Variants in SLITRK3 observed in about 807,000 individuals in gnomAD.
SLITRK3 encodes SLIT and NTRK like family member 3.
A neutral mutation model predicts 63.6 loss-of-function variants in SLITRK3; 16 were observed. That is an observed-to-expected ratio of 0.25 (90% confidence interval 0.17 to 0.38). The LOEUF is 0.38. Among genes scored for constraint, SLITRK3 ranks in the 10% least tolerant of loss-of-function variants. The pLI, the probability that SLITRK3 is intolerant of heterozygous loss-of-function variation, is 1.00. For synonymous variants in SLITRK3, 547 were observed against 451.6 expected, an observed-to-expected ratio of 1.21 and a Z score of -2.68; for missense variants, 1,117 against 1,181.4, an observed-to-expected ratio of 0.95 and a Z score of 0.80.
intron 1 of SLITRK3, among the ~76,000 whole-genome samples, chr3:165,193,447 C>T (rs568139732): frequency 2.8e-3 from 431 of 152,044 alleles, no homozygotes; most frequent in Middle Eastern, 6.8e-3. Context: ...CAGCCATTCC[C>T]TGCAATGACG....
chr3:165,191,698 T>C (rs1016382484), intron 1 of SLITRK3, among the ~76,000 whole-genome samples: 1 of 152,190 alleles, frequency 6.6e-6, no homozygotes, highest in African/African-American at 2.4e-5. Flanking sequence ...AGTGTCTGAA[T>C]TAAAACATTT....
In SLITRK3 at chr3:165,188,812, G is replaced by A. The variant is rs1718066657; in HGVS notation, c.2019C>T (p.Gly673=). ...LFFSAVFVAA[G]LFAYVLRRRR... ...GCCTTCGGAGCACGTAGGCAAAGAG[G>A]CCTGCAGCAACAAAGACTGCTGAGA... is the stretch of plus-strand genomic sequence containing the variant. The change falls in exon 2 of 2, where the codon GGC becomes GGT. Residue 673 remains glycine, a synonymous_variant. Transcript: ENST00000475390. 6.2e-7 allele frequency: 1 copy of A among 1,614,170 alleles called. No homozygotes were observed. The highest frequency in any genetic ancestry group is 8.5e-7 in the Non-Finnish European group (1 of 1,180,030).
At position 165,187,980 on chromosome 3, in the gene SLITRK3, T is replaced by G; in HGVS notation, c.2851A>C (p.Ser951Arg). The change falls in exon 2 of 2, where the codon AGT becomes CGT. Residue 951 changes from serine to arginine, a missense_variant. Around this residue, in one of 4 missense-constraint regions of SLITRK3, gnomAD observed 499 missense variants for 463.6 expected, o/e 1.08. Transcript: ENST00000475390. ...TTGGCCCTTAACTCGAGGTAATCACTTTTTTGGGTTTGGTGGTCTGTGAAG... is the reference window on the plus strand; with the variant it reads ...TTGGCCCTTAACTCGAGGTAATCACGTTTTTGGGTTTGGTGGTCTGTGAAG... ...KGFTDHQTQKSDYLELRAKLQ... is the reference protein window; with the variant it reads ...KGFTDHQTQKRDYLELRAKLQ... 1 of 1,614,016 alleles carries G rather than the reference T, an allele frequency of 6.2e-7. No homozygotes were observed. Among genetic ancestry groups the G allele is most frequent in the Non-Finnish European group, 8.5e-7 (1 of 1,179,992 alleles).
At chr3:165,193,066 G>C (rs746422867) in intron 1 of SLITRK3, among the ~76,000 whole-genome samples, 4 of 151,934 alleles carry the variant, frequency 2.6e-5, no homozygotes, top group Non-Finnish European at 5.9e-5. Flanking sequence ...GCATGGGTTC[G>C]GGAGCGAGCA....
Position 165,189,756 on chromosome 3 carries a change from G to C in SLITRK3, c.1075C>G (p.Pro359Ala). 2.5e-6 allele frequency: 4 copies of C among 1,614,198 alleles called. No individual in the cohort carries two copies. Among genetic ancestry groups the C allele is most frequent in the Non-Finnish European group, 3.4e-6 (4 of 1,180,048 alleles). Residue 359 changes from proline (P) to alanine (A), a missense_variant, in exon 2 of 2, where the codon CCC (proline) becomes GCC (alanine). Around this residue, in one of 4 missense-constraint regions of SLITRK3, gnomAD observed 452 missense variants for 495.3 expected, o/e 0.91. Transcript: ENST00000475390. This position sits in a 1 kb window ranked among gnomAD's most constrained non-coding sequence, Gnocchi z 4.0. ...GGTCTGGTCTGATAAGGAGCAATGG[G>C]AGGCTGGTTTGGACCAGGATATAAA... ...QALYPGPNQP[P>A]IAPYQTRPPI...
chr3:165,194,110 G>A (rs1204371975), intron 1 of SLITRK3, among the ~76,000 whole-genome samples: 5 of 152,046 alleles, frequency 3.3e-5, no homozygotes, highest in African/African-American at 1.2e-4. Context: ...CTCCCCATCT[G>A]CCCCCACCAG....
chr3:165,187,056 T>C lies in SLITRK3; in HGVS notation c.*841A>G, dbSNP rs1315142851. On this transcript the variant is annotated 3_prime_UTR_variant, in exon 2 of 2. Coordinates refer to ENST00000475390, the MANE Select transcript of SLITRK3 (RefSeq NM_001318810.2). ...GGCTGTTAAACCACCAGGCCTCTAC[T>C]TCAGTAGAATCCAGCCTAGAATGTG... The C allele has an allele frequency of 1.3e-5, 2 of 152,550 alleles. No individual in the cohort carries two copies. The highest frequency in any genetic ancestry group is 2.4e-5 in the African/African-American group (1 of 41,408). The allele number at this position is 152,550 out of a possible 1,614,324, so 9.4% of individuals were successfully genotyped here. A position where few individuals can be genotyped will look rare whatever the true frequency, so the allele number is the denominator to read the frequency against.
chr3:165,193,112 T>A (rs1397503831), intron 1 of SLITRK3, among the ~76,000 whole-genome samples: 1 of 145,376 alleles, frequency 6.9e-6, no homozygotes, highest in Non-Finnish European at 1.5e-5. Context: ...AGTGAGTGTG[T>A]GTGTGTGTGT....
At chr3:165,193,569 C>T (rs943952626) in intron 1 of SLITRK3, among the ~76,000 whole-genome samples, 1 of 152,034 alleles carries the variant, frequency 6.6e-6, no homozygotes, top group Non-Finnish European at 1.5e-5. Context: ...CCGAGTTTCT[C>T]CTGCATTTTG....
At position 165,189,808 on chromosome 3, in the gene SLITRK3, T is replaced by A. The variant is rs777281033; in HGVS notation, c.1023A>T (p.Thr341=). 3.7e-6 allele frequency: 6 copies of A among 1,613,984 alleles called. No homozygotes were observed. The highest frequency in any genetic ancestry group is 5.1e-6 in the Non-Finnish European group (6 of 1,180,022). ...KQPKPTKQPR[T]PRPPSTSQAL... is the part of the protein sequence containing the mutation. ...CTTGGGAGGTGGAGGGTGGCCTTGG[T>A]GTTCGAGGCTGTTTGGTGGGCTTAG... is the stretch of plus-strand genomic sequence containing the variant. The change falls in exon 2 of 2, where the codon ACA becomes ACT. Residue 341 remains threonine (T), a synonymous_variant. Transcript: ENST00000475390. The surrounding 1 kb of genome is among the most constrained non-coding windows in gnomAD (Gnocchi z 4.0).
chr3:165,196,525 G>T, upstream of SLITRK3: 1 of 154,100 alleles, frequency 6.5e-6, no homozygotes, highest in South Asian at 1.8e-4. Flanking sequence ...TTTTAAGACT[G>T]ACCTGCTTTA....
At position 165,188,969 on chromosome 3, in the gene SLITRK3, C is replaced by T. The variant is rs1718075688; in HGVS notation, c.1862G>A (p.Gly621Glu). The stretch of plus-strand genomic sequence containing the variant: ...ATCTCCAGGCTGGGCTGGGGATTCT[C>T]CAGCTGGTGCAACGTGCAGCATCTC... The part of the protein sequence containing the change: ...CPEMLHVAPA[G>E]ESPAQPGDSH... Residue 621 changes from glycine to glutamate, a missense_variant, in exon 2 of 2, where the codon GGA (glycine) becomes GAA (glutamate). Around this residue, in one of 4 missense-constraint regions of SLITRK3, gnomAD observed 499 missense variants for 463.6 expected, o/e 1.08. Coordinates refer to ENST00000475390, the MANE Select transcript of SLITRK3 (RefSeq NM_001318810.2). 1 of 1,614,154 alleles carries T rather than the reference C, an allele frequency of 6.2e-7. No homozygotes were observed. Among genetic ancestry groups the T allele is most frequent in the Non-Finnish European group, 8.5e-7 (1 of 1,180,018 alleles).
Position 165,189,409 on chromosome 3 carries a change from G to T in SLITRK3, c.1422C>A (p.Gly474=). ...NGNDIEKLTP[G]MFRGLQSLHY... ...GCAAACTCTGTAGGCCTCGGAACAT[G>T]CCTGGTGTCAGCTTCTCTATATCGT... Residue 474 remains glycine (G), a synonymous_variant, in exon 2 of 2, where the codon GGC becomes GGA. Transcript: ENST00000475390. The surrounding 1 kb of genome is among the most constrained non-coding windows in gnomAD (Gnocchi z 4.0). The T allele has an allele frequency of 1.2e-6, 2 of 1,613,458 alleles. No homozygotes were observed. Among genetic ancestry groups the T allele is most frequent in the Non-Finnish European group, 1.7e-6 (2 of 1,180,030 alleles).
upstream of SLITRK3, chr3:165,196,901 C>CTG (rs1341297167): frequency 2.1e-5 from 3 of 141,318 alleles, no homozygotes; most frequent in South Asian, 2.5e-4. Context: ...CTCTCTGTCT[C>CTG]TCTCTCTCTC....
rs1215543335 is a variant in SLITRK3 at position 165,188,819 on chromosome 3, G to A, written c.2012C>T (p.Ala671Val). The change falls in exon 2 of 2, where the codon GCT becomes GTT. Residue 671 changes from alanine to valine, a missense_variant. Ala to Val is a moderately conservative substitution (Grantham distance 64). This residue lies in a region of SLITRK3 where 499 missense variants were observed against 463.6 expected (regional missense o/e 1.08). Coordinates refer to ENST00000475390, the MANE Select transcript of SLITRK3 (RefSeq NM_001318810.2). ...LVLFFSAVFV[A>V]AGLFAYVLRR... Reference sequence around the variant, plus strand: ...GAGCACGTAGGCAAAGAGGCCTGCAGCAACAAAGACTGCTGAGAAAAACAG... The same window carrying A: ...GAGCACGTAGGCAAAGAGGCCTGCAACAACAAAGACTGCTGAGAAAAACAG... 5 of 1,614,200 alleles carry A rather than the reference G, an allele frequency of 3.1e-6. No homozygotes were observed. The South Asian group carries it at 3.3e-5, about 11-fold the overall frequency.
rs1718414025 is a variant in SLITRK3, at chr3:165,196,306, C to A, written c.-748G>T. 6.6e-6 allele frequency among the ~76,000 whole-genome samples: 1 copy of A among 151,930 alleles called. No homozygotes were observed. The highest frequency in any genetic ancestry group is 1.5e-5 in the Non-Finnish European group (1 of 68,014). On this transcript the variant is annotated 5_prime_UTR_variant, in exon 1 of 2. Coordinates refer to ENST00000475390, the MANE Select transcript of SLITRK3 (RefSeq NM_001318810.2). ...CAAATACACAGTATGGCTGTGCACA[C>A]CAAATTCCACTTGGATTTGGGAGAT...
Position 165,189,991 on chromosome 3 carries a change from G to T in SLITRK3, c.840C>A (p.Leu280=), listed in dbSNP as rs376735384. The T allele has an allele frequency of 6.2e-7, 1 of 1,614,166 alleles. No homozygotes were observed. Among genetic ancestry groups the T allele is most frequent in the Non-Finnish European group, 8.5e-7 (1 of 1,180,036 alleles). The change falls in exon 2 of 2, where the codon CTC becomes CTA. Residue 280 remains leucine, a synonymous_variant. Transcript: ENST00000475390. The surrounding 1 kb of genome is among the most constrained non-coding windows in gnomAD (Gnocchi z 4.0). ...KDLREIRKTE[L]CPLLSDSEVE... is the part of the protein sequence containing the mutation. ...CCTCAGAGTCAGACAACAAGGGACA[G>T]AGTTCTGTCTTCCTGATTTCTCGTA...
At position 165,187,021 on chromosome 3, in the gene SLITRK3, G is replaced by T. The variant is rs147549722; in HGVS notation, c.*876C>A. 6.6e-6 allele frequency: 1 copy of T among 152,454 alleles called. No individual in the cohort carries two copies. Among genetic ancestry groups the T allele is most frequent in the East Asian group, 1.9e-4 (1 of 5,184 alleles). The allele number at this position is 152,454 out of a possible 1,614,324, so 9.4% of individuals were successfully genotyped here. The stretch of plus-strand genomic sequence containing the variant: ...ACAAAGAGGGTGCTCATCCCTAGGC[G>T]TGTGTCTTCGGCTGTTAAACCACCA... On this transcript the variant is annotated 3_prime_UTR_variant, in exon 2 of 2. Transcript: ENST00000475390.
In SLITRK3 at chr3:165,188,125, A is replaced by G. The variant is rs1718027643; in HGVS notation, c.2706T>C (p.Cys902=). 1.2e-6 allele frequency: 2 copies of G among 1,612,938 alleles called. No homozygotes were observed. The highest frequency in any genetic ancestry group is 2.7e-5 in the African/African-American group (2 of 74,606). The change falls in exon 2 of 2, where the codon TGT becomes TGC. Residue 902 remains cysteine, a synonymous_variant. Coordinates refer to ENST00000475390, the MANE Select transcript of SLITRK3 (RefSeq NM_001318810.2). ...TTAATTTGGGCACTGTTCCATAGAGACAGTCCACAAATCCCACTGTGCAGG... is the reference window on the plus strand; with the variant it reads ...TTAATTTGGGCACTGTTCCATAGAGGCAGTCCACAAATCCCACTGTGCAGG... The part of the protein sequence containing the change: ...PAPCTVGFVD[C]LYGTVPKLKE...
Sources: allele counts gnomAD v4.1 joint callset (sites outside exome capture counted in the v4.1 genomes callset), GRCh38; gene constraint gnomAD v4.1.1; regional missense constraint gnomAD v4.1.1; non-coding constraint Gnocchi (gnomAD v3.1); transcripts MANE v1.5; gene names NCBI Gene and HGNC (gene_info 2026-07-23, HGNC 2026-07-21).